The following PDE3A variants were observed in gnomAD, a reference collection of about 807,000 sequenced individuals.
The protein encoded by PDE3A is cGMP-inhibited 3',5'-cyclic phosphodiesterase 3A.
A neutral mutation model predicts 98.3 loss-of-function variants in PDE3A; 43 were observed. The observed-to-expected ratio is 0.44, with a 90% CI of 0.34 to 0.56. PDE3A has a LOEUF of 0.56. PDE3A is among the 20% of genes least tolerant of loss of function. The probability of loss-of-function intolerance (pLI) is 0.01; values close to 1 mark genes in which losing one functional copy is unlikely to be tolerated. For missense variants in PDE3A, 1,427 were observed against 1,440.7 expected (o/e 0.99, Z 0.15); for synonymous variants, 663 against 567.9 (o/e 1.17, Z -2.38).
intron 1 of PDE3A, among the ~76,000 whole-genome samples, chr12:20,508,431 T>G (rs1192874826): frequency 6.6e-6 from 1 of 151,914 alleles, no homozygotes; most frequent in East Asian, 1.9e-4. Flanking sequence ...TTTTTTTAGT[T>G]TTGTCCTCTG....
At chr12:20,598,552 G>A (rs547305865) in intron 2 of PDE3A, among the ~76,000 whole-genome samples, 3 of 152,042 alleles carry the variant, frequency 2.0e-5, no homozygotes, top group Non-Finnish European at 4.4e-5. Context: ...GAAATCACCC[G>A]CCCCCTCAAA....
chr12:20,686,764 T>A lies in PDE3A; in HGVS notation c.*6493T>A, dbSNP rs1363088588. 6.6e-6 allele frequency among the ~76,000 whole-genome samples: 1 copy of A among 152,148 alleles called. No homozygotes were observed. Among genetic ancestry groups the A allele is most frequent in the Non-Finnish European group, 1.5e-5 (1 of 68,004 alleles). On this transcript the variant is annotated 3_prime_UTR_variant, in exon 16 of 16. Transcript: ENST00000359062. The stretch of plus-strand genomic sequence containing the variant: ...AATAAGCAGAAATTCTCCTCTGCCA[T>A]AATTAAAAGAAAGAATGGCCTTCGA...
chr12:20,521,032 G>A (rs1041638159), intron 1 of PDE3A, among the ~76,000 whole-genome samples: 8 of 152,214 alleles, frequency 5.3e-5, no homozygotes, highest in African/African-American at 1.9e-4. Context: ...CTTCTCCTGT[G>A]GATGTAAACA....
chr12:20,636,844 G>A (rs1437337475), intron 8 of PDE3A, among the ~76,000 whole-genome samples: 2 of 152,190 alleles, frequency 1.3e-5, no homozygotes, highest in Non-Finnish European at 2.9e-5. Context: ...TTTTGCTGGA[G>A]TGTATATGGA....
chr12:20,400,379 G>GTTTTTTTTTTTTTTTTTTTTTTTTTTT (rs75851941), intron 1 of PDE3A, among the ~76,000 whole-genome samples: 1 of 110,266 alleles, frequency 9.1e-6, no homozygotes, highest in Non-Finnish European at 1.7e-5. Flanking sequence ...GTTAACATTG[G>GTTTTTTTTTTTTTTTTTTTTTTTTTTT]TTTTTTTTTT....
chr12:20,425,059 A>C (rs750201783), intron 1 of PDE3A, among the ~76,000 whole-genome samples: 1 of 152,226 alleles, frequency 6.6e-6, no homozygotes, highest in Non-Finnish European at 1.5e-5. Flanking sequence ...ATTTGAAAGA[A>C]CTGACAAAAG....
At position 20,683,220 on chromosome 12, in the gene PDE3A, T is replaced by C. The variant is rs1945843805; in HGVS notation, c.*2949T>C. ...TCTCAAAGGATGCTAAGGGACATTT[T>C]CTGCCAGTAGAGTTCTCCCCCTTTT... On this transcript the variant is annotated 3_prime_UTR_variant, in exon 16 of 16. Coordinates refer to ENST00000359062, the MANE Select transcript of PDE3A (RefSeq NM_000921.5). The C allele has an allele frequency of 6.6e-6, 1 of 152,210 alleles. No individual in the cohort carries two copies. Among genetic ancestry groups the C allele is most frequent in the Admixed American group, 6.5e-5 (1 of 15,278 alleles). 9.4% of individuals were successfully genotyped at this position (152,210 alleles called of 1,614,324 possible).
chr12:20,638,688 G>A (rs988365586), intron 9 of PDE3A, among the ~76,000 whole-genome samples: 2 of 152,092 alleles, frequency 1.3e-5, no homozygotes, highest in Non-Finnish European at 2.9e-5. Context: ...AGCCTGTAAC[G>A]GTGCCACAGG....
chr12:20,648,436 G>A (rs1413059942), intron 12 of PDE3A, among the ~76,000 whole-genome samples: 1 of 151,568 alleles, frequency 6.6e-6, no homozygotes, highest in Admixed American at 6.6e-5. Context: ...ATTAAGATAG[G>A]CGAGTGCCCC....
chr12:20,582,875 C>T (rs1176520959), intron 2 of PDE3A, among the ~76,000 whole-genome samples: 1 of 152,186 alleles, frequency 6.6e-6, no homozygotes, highest in Non-Finnish European at 1.5e-5. Context: ...CTCCCACAAT[C>T]TTAATATGCA....
At chr12:20,606,952 A>ACTT (rs905376823) in intron 2 of PDE3A, among the ~76,000 whole-genome samples, 1 of 152,042 alleles carries the variant, frequency 6.6e-6, no homozygotes, top group African/African-American at 2.4e-5. Context: ...TGTATTTTAA[A>ACTT]CTTCTTATCT....
chr12:20,410,779 C>A (rs926549364), intron 1 of PDE3A, among the ~76,000 whole-genome samples: 20 of 152,168 alleles, frequency 1.3e-4, no homozygotes, highest in Non-Finnish European at 2.6e-4. Flanking sequence ...ATATAGCAAT[C>A]TATTTTGAAA....
chr12:20,522,082 C>T (rs548177130), intron 1 of PDE3A, among the ~76,000 whole-genome samples: 44 of 152,226 alleles, frequency 2.9e-4, no homozygotes, highest in Middle Eastern at 3.4e-3. Flanking sequence ...AACAAATCTT[C>T]GGGCTGTCCA....
At chr12:20,668,127 T>C (rs1261079684) in intron 15 of PDE3A, among the ~76,000 whole-genome samples, 2 of 152,202 alleles carry the variant, frequency 1.3e-5, no homozygotes, top group African/African-American at 2.4e-5. Flanking sequence ...ACCTGAATAC[T>C]GCGCTTTTCC....
At chr12:20,670,440 A>C (rs1430981859) in intron 15 of PDE3A, among the ~76,000 whole-genome samples, 1 of 152,054 alleles carries the variant, frequency 6.6e-6, no homozygotes, top group Admixed American at 6.6e-5. Context: ...TTGACCACAT[A>C]ATTGGAAGTA....
At chr12:20,611,917 A>G (rs1248105364) in intron 2 of PDE3A, among the ~76,000 whole-genome samples, 2 of 151,708 alleles carry the variant, frequency 1.3e-5, no homozygotes, top group Non-Finnish European at 3.0e-5. Context: ...AAATTTATCT[A>G]CTTATATGTA....
At chr12:20,636,153 G>C (rs1404152326) in intron 8 of PDE3A, among the ~76,000 whole-genome samples, 1 of 152,082 alleles carries the variant, frequency 6.6e-6, no homozygotes, top group Non-Finnish European at 1.5e-5. Flanking sequence ...CATATTGTCA[G>C]GCATATATTG....
At chr12:20,669,245 G>A (rs745393742) in intron 15 of PDE3A, among the ~76,000 whole-genome samples, 6,929 of 152,056 alleles carry the variant, frequency 0.046, 271 homozygotes, top group African/African-American at 0.1. Flanking sequence ...AAAGTGATGG[G>A]GAGAATGGAA....
chr12:20,426,098 G>A (rs1944597259), intron 1 of PDE3A, among the ~76,000 whole-genome samples: 1 of 152,116 alleles, frequency 6.6e-6, no homozygotes, highest in South Asian at 2.1e-4. Context: ...TTCTTGGAAG[G>A]AAAATACTTA....
Sources: gnomAD v4.1 joint callset for allele counts (sites outside exome capture counted in the v4.1 genomes callset) on GRCh38, gnomAD v4.1.1 for gene constraint, MANE v1.5 for transcripts, NCBI Gene and HGNC (gene_info 2026-07-23, HGNC 2026-07-21) for gene names.